The following KIAA1217 variants were observed in gnomAD, a reference collection of about 807,000 sequenced individuals.
KIAA1217 encodes KIAA1217.
KIAA1217 carries 88 observed loss-of-function variants against 163.9 expected under a neutral mutation model. The ratio of observed to expected loss-of-function variants is 0.54; its 90% confidence interval spans 0.45 to 0.64. The LOEUF (loss-of-function observed/expected upper bound fraction) is 0.64. Ranked by LOEUF, KIAA1217 falls within the 30% of genes least tolerant of loss-of-function variation. KIAA1217 has a pLI of 0.00. For missense variants in KIAA1217, 2,372 were observed against 2,475.0 expected (o/e 0.96, Z 0.88); for synonymous variants, 903 against 923.1 (o/e 0.98, Z 0.39).
rs535464296 is a variant in KIAA1217, at chr10:23,897,624, C to T, written c.-320-109601C>T. Among the ~76,000 whole-genome samples the T allele has an allele frequency of 6.6e-5, 10 of 152,064 alleles. No individual in the cohort carries two copies. The South Asian group carries it at 1.7e-3, about 25-fold the overall frequency. ...TATTGAATGTGCTCTTATATAGGCC[C>T]CTGGGAGCTACACGGAACCGAGGAG... On this transcript the variant is annotated intron_variant, in intron 1 of 18. Coordinates refer to the KIAA1217 transcript ENST00000376462.
Position 24,177,381 on chromosome 10 carries a change from G to A in KIAA1217, c.-170-42245G>A, listed in dbSNP as rs976489640. ...TATGTGTATATATATATATATATAT[G>A]TGTGTGTCTCACAATTTCTTTATCC... On this transcript the variant is annotated intron_variant, in intron 2 of 18. Transcript: ENST00000376462. 9.8e-4 allele frequency among the ~76,000 whole-genome samples: 119 copies of A among 121,900 alleles called. 1 individual carries two copies. Among genetic ancestry groups the A allele is most frequent in the South Asian group, 3.6e-3 (14 of 3,880 alleles). The allele number at this position is 121,900 out of a possible 152,430, so 80.0% of individuals were successfully genotyped here.
intron 2 of KIAA1217, among the ~76,000 whole-genome samples, chr10:24,061,907 C>G (rs115758344): frequency 0.027 from 4,058 of 152,164 alleles, 175 homozygotes; most frequent in African/African-American, 0.094. Context: ...TTTCCTGGAT[C>G]TGGATGTCAT....
intron 2 of KIAA1217, among the ~76,000 whole-genome samples, chr10:24,122,579 C>T (rs138315719): frequency 1.8e-4 from 28 of 152,230 alleles, no homozygotes; most frequent in Non-Finnish European, 3.7e-4. Flanking sequence ...TTCAGAAATA[C>T]TATCCTCTCA....
intron 2 of KIAA1217, among the ~76,000 whole-genome samples, chr10:24,150,918 G>A (rs2064581533): frequency 6.6e-6 from 1 of 152,180 alleles, no homozygotes; most frequent in African/African-American, 2.4e-5. Context: ...GCTCCTGGCT[G>A]TCATTCTTGA....
chr10:23,938,877 G>T (rs1843643133), intron 1 of KIAA1217, among the ~76,000 whole-genome samples: 1 of 152,100 alleles, frequency 6.6e-6, no homozygotes, highest in African/African-American at 2.4e-5. Context: ...AAAATTAACA[G>T]TTGTGGAAGA....
chr10:23,898,116 TA>T (rs1841785204), intron 1 of KIAA1217, among the ~76,000 whole-genome samples: 2 of 151,956 alleles, frequency 1.3e-5, no homozygotes, highest in Non-Finnish European at 2.9e-5. Flanking sequence ...TGGCTACTCA[TA>T]TTTTACTGAA....
Position 23,726,304 on chromosome 10 carries a change from G to GTTTT in KIAA1217, c.-321+31080_-321+31083dup, listed in dbSNP as rs35157466. 5.3e-3 allele frequency among the ~76,000 whole-genome samples: 724 copies of GTTTT among 137,510 alleles called. 2 individuals carry two copies. The highest frequency in any genetic ancestry group is 0.015 in the African/African-American group (555 of 38,256). 90.2% of individuals were successfully genotyped at this position (137,510 alleles called of 152,430 possible). A position where few individuals can be genotyped will look rare whatever the true frequency, so the allele number is the denominator to read the frequency against. ...AGCCTAGTATTTGAGCATGAGTTTGGTTTTTTTTTTTTTAGACAAATCATA... is the reference window on the plus strand; with the variant it reads ...AGCCTAGTATTTGAGCATGAGTTTGGTTTTTTTTTTTTTTTTTAGACAAATCATA... On this transcript the variant is annotated intron_variant, in intron 1 of 18. Transcript: ENST00000376462.
At chr10:23,709,835 C>A (rs2130731902) in intron 1 of KIAA1217, among the ~76,000 whole-genome samples, 1 of 152,304 alleles carries the variant, frequency 6.6e-6, no homozygotes, top group Admixed American at 6.5e-5. Context: ...GCAGTTGGGG[C>A]CCACAGTCTG....
intron 2 of KIAA1217, among the ~76,000 whole-genome samples, chr10:24,373,249 C>T (rs1356699231): frequency 1.3e-5 from 2 of 152,150 alleles, no homozygotes; most frequent in Non-Finnish European, 2.9e-5. Flanking sequence ...ACAGGTCTTC[C>T]CAATTTGAAG....
intron 1 of KIAA1217, among the ~76,000 whole-genome samples, chr10:23,739,945 C>T (rs1250522472): frequency 6.6e-6 from 1 of 152,054 alleles, no homozygotes; most frequent in Non-Finnish European, 1.5e-5. Context: ...ACGGATAAGT[C>T]CAAGGATATT....
At chr10:23,972,818 G>T (rs1198745161) in intron 1 of KIAA1217, among the ~76,000 whole-genome samples, 1 of 152,184 alleles carries the variant, frequency 6.6e-6, no homozygotes, top group African/African-American at 2.4e-5. Context: ...GGACATGGAT[G>T]AAGCTGGAAG....
chr10:23,982,766 G>A (rs941251503), intron 1 of KIAA1217, among the ~76,000 whole-genome samples: 6 of 151,906 alleles, frequency 3.9e-5, no homozygotes, highest in African/African-American at 1.5e-4. Flanking sequence ...GTTTCAGCAG[G>A]TTGGCCAGGC....
At chr10:24,159,310 C>G (rs1331527860) in intron 2 of KIAA1217, among the ~76,000 whole-genome samples, 2 of 152,080 alleles carry the variant, frequency 1.3e-5, no homozygotes, top group Non-Finnish European at 1.5e-5. Context: ...AAACCTACTA[C>G]TACAGTTTCT....
intron 1 of KIAA1217, among the ~76,000 whole-genome samples, chr10:23,801,677 C>T (rs1480942591): frequency 6.6e-6 from 1 of 152,188 alleles, no homozygotes; most frequent in Non-Finnish European, 1.5e-5. Flanking sequence ...GTCTCGTTTA[C>T]TCTGCACAGA....
At chr10:24,232,521 C>T (rs777636495) in intron 2 of KIAA1217, among the ~76,000 whole-genome samples, 5 of 152,006 alleles carry the variant, frequency 3.3e-5, no homozygotes, top group African/African-American at 4.8e-5. Context: ...AGGCAAGAAC[C>T]GAAGTCTAGC....
At chr10:24,545,286 T>G (rs1375424264) in intron 20 of KIAA1217, 183 bp downstream of exon 20, 5 of 1,412,046 alleles carry the variant, frequency 3.5e-6, no homozygotes, top group Non-Finnish European at 3.7e-6. Flanking sequence ...CGCTTTTGCA[T>G]GCTTGCAATA....
intron 2 of KIAA1217, among the ~76,000 whole-genome samples, chr10:24,012,593 T>G (rs1384320510): frequency 2.6e-5 from 4 of 152,186 alleles, no homozygotes; most frequent in African/African-American, 9.6e-5. Flanking sequence ...CTTGTGCCTT[T>G]GAATGAGGGA....
At chr10:24,316,905 G>A (rs1276720983) in intron 2 of KIAA1217, among the ~76,000 whole-genome samples, 1 of 152,192 alleles carries the variant, frequency 6.6e-6, no homozygotes, top group Non-Finnish European at 1.5e-5. Context: ...AAAACTGCCT[G>A]TTCAAATGGT....
chr10:24,019,396 C>A (rs1449742160), intron 2 of KIAA1217, among the ~76,000 whole-genome samples: 1 of 150,550 alleles, frequency 6.6e-6, no homozygotes. Flanking sequence ...TTAAGGAATG[C>A]AAAAAAAATT....
Sources: allele counts gnomAD v4.1 joint callset (sites outside exome capture counted in the v4.1 genomes callset), GRCh38; gene constraint gnomAD v4.1.1; transcripts MANE v1.5; gene names NCBI Gene and HGNC (gene_info 2026-07-23, HGNC 2026-07-21).